Variants in MERTK observed in about 807,000 individuals in gnomAD.
MERTK encodes tyrosine-protein kinase Mer.
Under a neutral mutation model 99.3 loss-of-function variants are expected in MERTK, and 69 were observed. The ratio of observed to expected loss-of-function variants is 0.70; its 90% confidence interval spans 0.57 to 0.85. MERTK has a LOEUF of 0.85. MERTK is among the 40% of genes least tolerant of loss of function. The probability of loss-of-function intolerance (pLI) is 0.00; values close to 1 mark genes in which losing one functional copy is unlikely to be tolerated. For missense variants in MERTK, 1,125 were observed against 1,249.4 expected, an observed-to-expected ratio of 0.90 and a Z score of 1.50; for synonymous variants, 426 against 467.6, an observed-to-expected ratio of 0.91 and a Z score of 1.15.
intron 5 of MERTK, among the ~76,000 whole-genome samples, chr2:111,966,688 G>A (rs1356107072): frequency 6.6e-6 from 1 of 152,132 alleles, no homozygotes; most frequent in African/African-American, 2.4e-5. Flanking sequence ...CTTCTAATGT[G>A]TAATTACTAT....
At chr2:111,909,132 G>A (rs1041147896) in intron 1 of MERTK, among the ~76,000 whole-genome samples, 8 of 152,076 alleles carry the variant, frequency 5.3e-5, no homozygotes, top group African/African-American at 1.9e-4. Context: ...ACAAATGCTG[G>A]CAAAGGTGCA....
intron 16 of MERTK, chr2:112,020,531 T>C (rs1038151100): frequency 4.3e-6 from 2 of 468,060 alleles, no homozygotes; most frequent in East Asian, 7.0e-5. Flanking sequence ...CTTCTTCTTG[T>C]GTAGGAGCTG....
At chr2:111,944,892 G>T in intron 2 of MERTK, 68 bp from the exon 3 acceptor site, 3 of 1,316,820 alleles carry the variant, frequency 2.3e-6, no homozygotes, top group Admixed American at 1.7e-5. Flanking sequence ...AGTTGAAGAA[G>T]TTTCCATCCT....
At chr2:111,966,046 A>G (rs1246263555) in intron 5 of MERTK, among the ~76,000 whole-genome samples, 1 of 152,266 alleles carries the variant, frequency 6.6e-6, no homozygotes, top group Non-Finnish European at 1.5e-5. Flanking sequence ...ACAATTAGGT[A>G]GTATCTTTTT....
chr2:111,927,309 A>G (rs959662113), intron 1 of MERTK, among the ~76,000 whole-genome samples: 2 of 152,228 alleles, frequency 1.3e-5, no homozygotes, highest in African/African-American at 4.8e-5. Flanking sequence ...AGACAGGGGT[A>G]TGCCCTTCAG....
At chr2:111,965,055 C>A in intron 4 of MERTK, 136 bp from the exon 5 acceptor site, 1 of 820,230 alleles carries the variant, frequency 1.2e-6, no homozygotes, top group Non-Finnish European at 2.0e-6. Context: ...AGCTAGCACA[C>A]CTTTTAAATT....
At chr2:111,918,098 T>C (rs957959593) in intron 1 of MERTK, among the ~76,000 whole-genome samples, 18 of 152,132 alleles carry the variant, frequency 1.2e-4, no homozygotes, top group African/African-American at 3.4e-4. Flanking sequence ...ATCCTATCTA[T>C]ATTCTGTTCT....
At chr2:112,018,852 G>A (rs6735758) in intron 15 of MERTK, among the ~76,000 whole-genome samples, 6,845 of 152,228 alleles carry the variant, frequency 0.045, 548 homozygotes, top group African/African-American at 0.16. Flanking sequence ...TGTACTTGTG[G>A]TGCTTTGGTC....
At chr2:111,997,156 A>T in intron 9 of MERTK, 167 bp from the exon 10 acceptor site, 1 of 825,836 alleles carries the variant, frequency 1.2e-6, no homozygotes. Flanking sequence ...AGTTATTAAG[A>T]TCTCTTCGCA....
intron 4 of MERTK, among the ~76,000 whole-genome samples, chr2:111,952,996 T>A (rs1208353036): frequency 6.6e-6 from 1 of 152,170 alleles, no homozygotes; most frequent in African/African-American, 2.4e-5. Context: ...GGGGGGCTCT[T>A]GAAGGCAGGA....
At chr2:111,939,173 C>A (rs573231505) in intron 2 of MERTK, among the ~76,000 whole-genome samples, 1 of 152,174 alleles carries the variant, frequency 6.6e-6, no homozygotes, top group Non-Finnish European at 1.5e-5. Flanking sequence ...TAATGGTCTT[C>A]TTGCTGATGC....
At position 112,021,580 on chromosome 2, in the gene MERTK, T is replaced by G; in HGVS notation, c.2348T>G (p.Val783Gly). Reference sequence around the variant, plus strand: ...CGAGTCTACACAAGTAAAAGTGATGTGGTATGTACACAGCTTTGATTCAGG... The same window carrying G: ...CGAGTCTACACAAGTAAAAGTGATGGGGTATGTACACAGCTTTGATTCAGG... ...ADRVYTSKSD[V>G]WAFGVTMWEI... The change falls in exon 17 of 19, where the codon GTG becomes GGG. Residue 783 changes from valine (V) to glycine (G), a missense_variant and splice_region_variant. Coordinates refer to ENST00000295408, the MANE Select transcript of MERTK (RefSeq NM_006343.3). 6.2e-7 allele frequency: 1 copy of G among 1,611,842 alleles called. No individual in the cohort carries two copies. The highest frequency in any genetic ancestry group is 1.1e-5 in the South Asian group (1 of 91,052).
intron 9 of MERTK, chr2:111,994,754 G>A (rs1232667103): frequency 3.2e-6 from 1 of 313,030 alleles, no homozygotes; most frequent in Non-Finnish European, 6.3e-6. Flanking sequence ...ACTCTAGCTA[G>A]GTAACAGAGT....
intron 7 of MERTK, among the ~76,000 whole-genome samples, chr2:111,979,429 T>A (rs1676321698): frequency 6.6e-6 from 1 of 152,200 alleles, no homozygotes; most frequent in African/African-American, 2.4e-5. Context: ...TTCTCTTTAA[T>A]CCTGGTTCTG....
chr2:111,956,242 C>T (rs1175593270), intron 4 of MERTK, among the ~76,000 whole-genome samples: 1 of 152,080 alleles, frequency 6.6e-6, no homozygotes. Context: ...GCAGTGTCTA[C>T]TACATAAAAC....
intron 14 of MERTK, among the ~76,000 whole-genome samples, chr2:112,009,018 G>A (rs72940039): frequency 0.043 from 6,610 of 152,236 alleles, 493 homozygotes; most frequent in African/African-American, 0.15. Flanking sequence ...AATTACAAAA[G>A]AGGAGATTAA....
At chr2:111,999,993 C>G (rs1676836073) in intron 10 of MERTK, among the ~76,000 whole-genome samples, 2 of 151,976 alleles carry the variant, frequency 1.3e-5, no homozygotes, top group African/African-American at 2.4e-5. Context: ...GTGTATCATA[C>G]AAAGTACATT....
Position 111,936,211 on chromosome 2 carries a change from C to T in MERTK, c.482+6671C>T, listed in dbSNP as rs991249423. Among the ~76,000 whole-genome samples the T allele has an allele frequency of 1.2e-4, 18 of 152,076 alleles. No individual in the cohort carries two copies. In the East Asian group the frequency reaches 2.9e-3, roughly 25 times the overall value. ...TATTATAGGCATGAGCCACTGCGCCCGGCAAGTCTTCAAAATATTTTAAGG... is the reference window on the plus strand; with the variant it reads ...TATTATAGGCATGAGCCACTGCGCCTGGCAAGTCTTCAAAATATTTTAAGG... On this transcript the variant is annotated intron_variant, in intron 2 of 18. Transcript: ENST00000295408.
At chr2:112,011,623 C>T (rs1023281583) in intron 15 of MERTK, among the ~76,000 whole-genome samples, 1 of 151,998 alleles carries the variant, frequency 6.6e-6, no homozygotes, top group Non-Finnish European at 1.5e-5. Context: ...TGGTGGCAGG[C>T]ACCAGTAATC....
Sources: allele counts gnomAD v4.1 joint callset (sites outside exome capture counted in the v4.1 genomes callset), GRCh38; gene constraint gnomAD v4.1.1; transcripts MANE v1.5; gene names NCBI Gene and HGNC (gene_info 2026-07-23, HGNC 2026-07-21).